IQCH: variants seen among roughly 807,000 people sequenced by gnomAD.
IQCH encodes IQ domain-containing protein H.
Under a neutral mutation model 117.0 loss-of-function variants are expected in IQCH, and 98 were observed. That is an observed-to-expected ratio of 0.84 (90% CI 0.71 to 0.99). The LOEUF is 0.99. Ranked by LOEUF, IQCH falls within the 50% of genes least tolerant of loss-of-function variation. IQCH has a pLI of 0.00. For synonymous variants in IQCH, 412 were observed against 448.2 expected (o/e 0.92, Z 1.02); for missense variants, 1,102 against 1,243.8 (o/e 0.89, Z 1.72).
intron 6 of IQCH, among the ~76,000 whole-genome samples, chr15:67,348,912 G>A (rs920982848): frequency 6.6e-6 from 1 of 152,178 alleles, no homozygotes; most frequent in African/African-American, 2.4e-5. Context: ...GATAAACACA[G>A]AGATCAATGG....
In IQCH at chr15:67,490,568, C is replaced by T. The variant is rs915660305; in HGVS notation, c.2861+504C>T. Reference sequence around the variant, plus strand: ...GTTTATAAATATAATTGATTAATTACCTAAAATTAATGGGTAAGATTTAGA... The same window carrying T: ...GTTTATAAATATAATTGATTAATTATCTAAAATTAATGGGTAAGATTTAGA... On this transcript the variant is annotated intron_variant, in intron 19 of 20. Transcript: ENST00000335894. The surrounding 1 kb of genome is among the most constrained non-coding windows in gnomAD (Gnocchi z 4.9). Among the ~76,000 whole-genome samples the T allele has an allele frequency of 5.3e-5, 8 of 152,060 alleles. No individual in the cohort carries two copies. Among genetic ancestry groups the T allele is most frequent in the Non-Finnish European group, 1.2e-4 (8 of 68,022 alleles).
Position 67,430,333 on chromosome 15 carries a change from G to C in IQCH, c.2505+8756G>C, listed in dbSNP as rs1295782029. ...ATGAAGTACTTACTAAAGGCTTTAAGTTGAGGAGGATGACAAGTTCATTGA... is the reference window on the plus strand; with the variant it reads ...ATGAAGTACTTACTAAAGGCTTTAACTTGAGGAGGATGACAAGTTCATTGA... On this transcript the variant is annotated intron_variant, in intron 16 of 20. Transcript: ENST00000335894. The surrounding 1 kb of genome is among the most constrained non-coding windows in gnomAD (Gnocchi z 5.1). The C allele has an allele frequency of 6.6e-6, 1 of 152,330 alleles. No homozygotes were observed. The highest frequency in any genetic ancestry group is 1.5e-5 in the Non-Finnish European group (1 of 68,034). The allele number at this position is 152,330 out of a possible 1,614,324, so 9.4% of individuals were successfully genotyped here.
chr15:67,469,134 T>TA (rs1207856209), intron 17 of IQCH, among the ~76,000 whole-genome samples: 1 of 151,702 alleles, frequency 6.6e-6, no homozygotes, highest in African/African-American at 2.4e-5. Context: ...TGTCTTTTTT[T>TA]TTCTCCTGTT....
In IQCH at chr15:67,474,068, G is replaced by A. The variant is rs1257286377; in HGVS notation, c.2677-1628G>A. 1.0e-4 allele frequency among the ~76,000 whole-genome samples: 3 copies of A among 29,198 alleles called. No homozygotes were observed. Among genetic ancestry groups the A allele is most frequent in the Non-Finnish European group, 1.8e-4 (3 of 16,716 alleles). 19.2% of individuals were successfully genotyped at this position (29,198 alleles called of 152,430 possible). A position where few individuals can be genotyped will look rare whatever the true frequency, so the allele number is the denominator to read the frequency against. On this transcript the variant is annotated intron_variant, in intron 17 of 20. Transcript: ENST00000335894. This position sits in a 1 kb window ranked among gnomAD's most constrained non-coding sequence, Gnocchi z 4.1. ...TCACCAAAAGTGCCACGAAATCTGA[G>A]TGTGTGTGTGTGTGTGTGTGTGTGT...
chr15:67,492,500 A>G (rs964436424), intron 19 of IQCH, among the ~76,000 whole-genome samples: 7 of 152,162 alleles, frequency 4.6e-5, no homozygotes, highest in Admixed American at 1.3e-4. Context: ...CTGAGAAGCA[A>G]CCAGCTCATA....
At chr15:67,256,713 A>G (rs1965232127) in intron 1 of IQCH, among the ~76,000 whole-genome samples, 1 of 152,224 alleles carries the variant, frequency 6.6e-6, no homozygotes, top group Non-Finnish European at 1.5e-5. Context: ...ATAGTAATAG[A>G]TAACTGTTGA....
intron 19 of IQCH, among the ~76,000 whole-genome samples, chr15:67,492,287 T>C (rs1042430971): frequency 6.6e-6 from 1 of 152,118 alleles, no homozygotes; most frequent in Non-Finnish European, 1.5e-5. Context: ...AATCAGAACC[T>C]AGAGATATGA....
Position 67,350,934 on chromosome 15 carries a change from G to A in IQCH, c.638-6411G>A, listed in dbSNP as rs143829414. 2.7e-4 allele frequency among the ~76,000 whole-genome samples: 41 copies of A among 152,258 alleles called. No homozygotes were observed. The East Asian group carries it at 4.4e-3, about 16-fold the overall frequency. ...GAGCTGTACGCAAAGCTGGAGAAGT[G>A]GAATTCTAAGGAGATGGCCTGTATG... On this transcript the variant is annotated intron_variant, in intron 6 of 20. Coordinates refer to ENST00000335894, the MANE Select transcript of IQCH (RefSeq NM_001031715.3).
rs930550741 is a variant in IQCH, at chr15:67,364,685, G to A, written c.753+4800G>A. ...ATTCAGAAAAGAGAAAAAAAGTATA[G>A]AAGGATTTTTTTCCCCATATCACAA... On this transcript the variant is annotated intron_variant, in intron 8 of 20. Transcript: ENST00000335894. This position sits in a 1 kb window ranked among gnomAD's most constrained non-coding sequence, Gnocchi z 4.1. Among the ~76,000 whole-genome samples, 6 of 152,076 alleles carry A rather than the reference G, an allele frequency of 3.9e-5. No homozygotes were observed. The highest frequency in any genetic ancestry group is 9.7e-5 in the African/African-American group (4 of 41,426).
chr15:67,416,898 T>C lies in IQCH; in HGVS notation c.2098-33T>C, dbSNP rs775397299. On this transcript the variant is annotated intron_variant, in intron 14 of 20. Transcript: ENST00000335894. The surrounding 1 kb of genome is among the most constrained non-coding windows in gnomAD (Gnocchi z 5.1). ...AGCAGTTTTCATTTCTGTAGTAAAA[T>C]TGCTTGTGGTTCTATTTAATTTGTT... The C allele has an allele frequency of 2.6e-6, 4 of 1,527,172 alleles. No individual in the cohort carries two copies. Among genetic ancestry groups the C allele is most frequent in the Middle Eastern group, 4.2e-4 (2 of 4,770 alleles). The allele number at this position is 1,527,172 out of a possible 1,614,324, so 94.6% of individuals were successfully genotyped here. A position where few individuals can be genotyped will look rare whatever the true frequency, so the allele number is the denominator to read the frequency against.
Position 67,436,058 on chromosome 15 carries a change from C to A in IQCH, c.2505+14481C>A, listed in dbSNP as rs1019019146. Among the ~76,000 whole-genome samples the A allele has an allele frequency of 2.0e-5, 3 of 152,094 alleles. No homozygotes were observed. The highest frequency in any genetic ancestry group is 7.3e-5 in the African/African-American group (3 of 41,378). ...TTTAGGCTTTACCTATTTCTTAAGA[C>A]AATACTCAATCACCCCCTCCCAGCA... On this transcript the variant is annotated intron_variant, in intron 16 of 20. Transcript: ENST00000335894. This position sits in a 1 kb window ranked among gnomAD's most constrained non-coding sequence, Gnocchi z 5.1.
chr15:67,348,478 A>G (rs1239071087), intron 6 of IQCH, among the ~76,000 whole-genome samples: 1 of 152,160 alleles, frequency 6.6e-6, no homozygotes, highest in Non-Finnish European at 1.5e-5. Context: ...ATTTGTTAGA[A>G]ATGAACAATT....
intron 16 of IQCH, among the ~76,000 whole-genome samples, chr15:67,438,528 G>A (rs1426616878): frequency 3.3e-5 from 5 of 152,126 alleles, no homozygotes; most frequent in African/African-American, 4.8e-5. Flanking sequence ...CACAGGCAAC[G>A]AAGAGCAGGA....
In IQCH at chr15:67,390,063, G is replaced by C. The variant is rs923287789; in HGVS notation, c.1632+1057G>C. Among the ~76,000 whole-genome samples, 10 of 152,130 alleles carry C rather than the reference G, an allele frequency of 6.6e-5. No individual in the cohort carries two copies. The highest frequency in any genetic ancestry group is 2.4e-4 in the African/African-American group (10 of 41,444). ...CTCAGTATTCCCCTAAAAACCCTCTGCTCAGTTTTGTTTCATTGGCACTTC... is the reference window on the plus strand; with the variant it reads ...CTCAGTATTCCCCTAAAAACCCTCTCCTCAGTTTTGTTTCATTGGCACTTC... On this transcript the variant is annotated intron_variant, in intron 12 of 20. Transcript: ENST00000335894. This position sits in a 1 kb window ranked among gnomAD's most constrained non-coding sequence, Gnocchi z 5.0.
In IQCH at chr15:67,416,551, A is replaced by C. The variant is rs903539165; in HGVS notation, c.2098-380A>C. On this transcript the variant is annotated intron_variant, in intron 14 of 20. Transcript: ENST00000335894. This position sits in a 1 kb window ranked among gnomAD's most constrained non-coding sequence, Gnocchi z 5.1. Reference sequence around the variant, plus strand: ...AAAGAAAAAACAAAAAACAAAAACAAAAAAAACAGTTAACCCCACATTTTA... The same window carrying C: ...AAAGAAAAAACAAAAAACAAAAACACAAAAAACAGTTAACCCCACATTTTA... Among the ~76,000 whole-genome samples the C allele has an allele frequency of 1.3e-5, 2 of 151,292 alleles. No homozygotes were observed. The highest frequency in any genetic ancestry group is 4.8e-5 in the African/African-American group (2 of 41,326).
intron 4 of IQCH, among the ~76,000 whole-genome samples, chr15:67,314,563 C>T (rs1000735523): frequency 2.7e-5 from 4 of 148,924 alleles, no homozygotes; most frequent in Admixed American, 6.7e-5. Flanking sequence ...TTTATATAAG[C>T]AGTAAAAACC....
At chr15:67,439,698 C>A (rs1350129876) in intron 16 of IQCH, among the ~76,000 whole-genome samples, 1 of 151,856 alleles carries the variant, frequency 6.6e-6, no homozygotes, top group Non-Finnish European at 1.5e-5. Flanking sequence ...CCAGCGTGAC[C>A]AACATGGAGA....
intron 4 of IQCH, among the ~76,000 whole-genome samples, chr15:67,304,741 A>C (rs908219569): frequency 6.6e-6 from 1 of 152,152 alleles, no homozygotes; most frequent in African/African-American, 2.4e-5. Flanking sequence ...ATTTACCAGC[A>C]AAAAGAATTA....
At position 67,432,579 on chromosome 15, in the gene IQCH, A is replaced by G. The variant is rs2082043294; in HGVS notation, c.2505+11002A>G. ...TAAGGTGATGTTCTTATTAAATCAA[A>G]TGGCATAACCACATGTAAAACTGTC... On this transcript the variant is annotated intron_variant, in intron 16 of 20. Coordinates refer to ENST00000335894, the MANE Select transcript of IQCH (RefSeq NM_001031715.3). This position sits in a 1 kb window ranked among gnomAD's most constrained non-coding sequence, Gnocchi z 5.0. Among the ~76,000 whole-genome samples, 1 of 152,196 alleles carries G rather than the reference A, an allele frequency of 6.6e-6. No individual in the cohort carries two copies. The highest frequency in any genetic ancestry group is 2.1e-4 in the South Asian group (1 of 4,828).
Sources: gnomAD v4.1 joint callset for allele counts (sites outside exome capture counted in the v4.1 genomes callset) on GRCh38, gnomAD v4.1.1 for gene constraint, Gnocchi (gnomAD v3.1) non-coding constraint, MANE v1.5 for transcripts, NCBI Gene and HGNC (gene_info 2026-07-23, HGNC 2026-07-21) for gene names.